The following IGDCC4 variants were observed in gnomAD, a reference collection of about 807,000 sequenced individuals.
The protein encoded by IGDCC4 is likely ortholog of mouse neighbor of Punc E11.
A neutral mutation model predicts 116.6 loss-of-function variants in IGDCC4; 72 were observed. The observed-to-expected ratio is 0.62, with a 90% CI of 0.51 to 0.75. IGDCC4 has a LOEUF of 0.75. Ranked by LOEUF, IGDCC4 falls within the 30% of genes least tolerant of loss-of-function variation. The pLI, the probability that IGDCC4 is intolerant of heterozygous loss-of-function variation, is 0.00. For missense variants in IGDCC4, 1,501 were observed against 1,662.4 expected, an observed-to-expected ratio of 0.90 and a Z score of 1.69; for synonymous variants, 709 against 719.9, an observed-to-expected ratio of 0.98 and a Z score of 0.24.
chr15:65,386,058 C>T lies in IGDCC4; in HGVS notation c.2953G>A (p.Glu985Lys). 1 of 1,499,814 alleles carries T rather than the reference C, an allele frequency of 6.7e-7. No homozygotes were observed. The highest frequency in any genetic ancestry group is 8.9e-7 in the Non-Finnish European group (1 of 1,125,676). 92.9% of individuals were successfully genotyped at this position (1,499,814 alleles called of 1,614,324 possible). A position where few individuals can be genotyped will look rare whatever the true frequency, so the allele number is the denominator to read the frequency against. The change falls in exon 18 of 20, where the codon GAA becomes AAA. Residue 985 changes from glutamate to lysine, a missense_variant and splice_region_variant. Glu to Lys is a moderately conservative substitution (Grantham distance 56). Coordinates refer to ENST00000352385, the MANE Select transcript of IGDCC4 (RefSeq NM_020962.3). ...CAGLRRSPHR[E>K]SLPGLSSTAT... is the part of the protein sequence containing the mutation. ...GTGGAGGACAGGCCTGGGAGGGATTCCCTGGAAGGGAAGACGGAAAACAAG... is the reference window on the plus strand; with the variant it reads ...GTGGAGGACAGGCCTGGGAGGGATTTCCTGGAAGGGAAGACGGAAAACAAG...
chr15:65,396,545 T>C, intron 6 of IGDCC4: 1 of 569,478 alleles, frequency 1.8e-6, no homozygotes, highest in Non-Finnish European at 3.2e-6. Flanking sequence ...ACCACTCAGA[T>C]CACTCCACTA....
intron 1 of IGDCC4, among the ~76,000 whole-genome samples, chr15:65,413,299 C>G (rs148409153): frequency 1.3e-5 from 2 of 152,254 alleles, no homozygotes; most frequent in Non-Finnish European, 2.9e-5. Context: ...CTGGTCTGTA[C>G]TGGTGACTGG....
At chr15:65,388,418 C>T (rs1157789470) in intron 16 of IGDCC4, 31 bp downstream of exon 16, 1 of 1,613,116 alleles carries the variant, frequency 6.2e-7, no homozygotes, top group African/African-American at 1.3e-5. Flanking sequence ...GAAGTCAATC[C>T]AGGGAAACCT....
chr15:65,388,658 G>A lies in IGDCC4; in HGVS notation c.2708-72C>T, dbSNP rs941708635. ...GTGGATGCAGAGGTGGGCAGGGAGG[G>A]GACTGGGAGAGTCTGCTCTCCACTT... On this transcript the variant is annotated intron_variant, in intron 15 of 19. Coordinates refer to ENST00000352385, the MANE Select transcript of IGDCC4 (RefSeq NM_020962.3). 7.5e-6 allele frequency: 12 copies of A among 1,604,572 alleles called. No individual in the cohort carries two copies. The Admixed American group carries it at 1.0e-4, about 13-fold the overall frequency.
At chr15:65,418,867 A>T (rs775148946) in intron 1 of IGDCC4, among the ~76,000 whole-genome samples, 20 of 152,018 alleles carry the variant, frequency 1.3e-4, no homozygotes, top group Non-Finnish European at 2.8e-4. Context: ...GCCCAGATAG[A>T]CCCACTTGAG....
rs1464760999 is a variant in IGDCC4, at chr15:65,388,795, C to G, written c.2707+13G>C. ...AAGCTCTTGAGCAGATGCCCTGGGG[C>G]AGGAGCCCTCACCCTGCGTGGTGAG... On this transcript the variant is annotated intron_variant, in intron 15 of 19. Transcript: ENST00000352385. 1.2e-6 allele frequency: 2 copies of G among 1,613,822 alleles called. No homozygotes were observed. Among genetic ancestry groups the G allele is most frequent in the African/African-American group, 2.7e-5 (2 of 75,062 alleles).
intron 1 of IGDCC4, among the ~76,000 whole-genome samples, chr15:65,422,013 G>C (rs148806415): frequency 6.7e-4 from 102 of 152,196 alleles, no homozygotes; most frequent in African/African-American, 2.3e-3. Context: ...CGCTTCCCTG[G>C]TCGGTCCCTG....
chr15:65,397,480 A>G (rs1462115813), intron 5 of IGDCC4, among the ~76,000 whole-genome samples: 1 of 152,206 alleles, frequency 6.6e-6, no homozygotes, highest in Non-Finnish European at 1.5e-5. Flanking sequence ...AAGCAATGCA[A>G]ATAGCCAAGA....
chr15:65,415,319 C>T lies in IGDCC4; in HGVS notation c.71-3949G>A, dbSNP rs1015948851. On this transcript the variant is annotated intron_variant, in intron 1 of 19. Coordinates refer to ENST00000352385, the MANE Select transcript of IGDCC4 (RefSeq NM_020962.3). ...ACAAACAATGTGAACAGTTGGGGCCCGAGCAGCTGCTGGGTATGTCAGCAG... is the reference window on the plus strand; with the variant it reads ...ACAAACAATGTGAACAGTTGGGGCCTGAGCAGCTGCTGGGTATGTCAGCAG... Among the ~76,000 whole-genome samples the T allele has an allele frequency of 2.4e-4, 36 of 152,324 alleles. 1 individual carries two copies. Among genetic ancestry groups the T allele is most frequent in the Non-Finnish European group, 1.2e-4 (8 of 68,028 alleles).
At chr15:65,418,465 C>A (rs1200709604) in intron 1 of IGDCC4, among the ~76,000 whole-genome samples, 1 of 152,146 alleles carries the variant, frequency 6.6e-6, no homozygotes, top group Non-Finnish European at 1.5e-5. Flanking sequence ...TGGGTCTGCA[C>A]CTGAAGGACA....
chr15:65,397,600 T>A (rs1595783676), intron 5 of IGDCC4, among the ~76,000 whole-genome samples: 1 of 147,556 alleles, frequency 6.8e-6, no homozygotes, highest in Non-Finnish European at 1.5e-5. Flanking sequence ...GAGGCTGAGG[T>A]GGAAGGATCA....
chr15:65,385,380 T>A, intron 18 of IGDCC4: 1 of 545,314 alleles, frequency 1.8e-6, no homozygotes, highest in African/African-American at 1.9e-5. Flanking sequence ...GGGGAGAGGG[T>A]GAGGGAGGAC....
chr15:65,390,200 C>T lies in IGDCC4; in HGVS notation c.2363G>A (p.Ser788Asn). 6.2e-7 allele frequency: 1 copy of T among 1,607,220 alleles called. No homozygotes were observed. The highest frequency in any genetic ancestry group is 8.5e-7 in the Non-Finnish European group (1 of 1,174,666). ...VKIVNYTVRFSPWGLRNASLV... is the reference protein window; with the variant it reads ...VKIVNYTVRFNPWGLRNASLV... ...GGAGGCATTCCTGAGCCCCCAGGGG[C>T]TGAAGCGCACAGTGTAGTTGACAAT... The change falls in exon 13 of 20, where the codon AGC (serine) becomes AAC (asparagine). Residue 788 changes from serine to asparagine, a missense_variant. Ser to Asn is a conservative substitution (Grantham distance 46, BLOSUM62 1). This residue lies in a region of IGDCC4 where 235 missense variants were observed against 328.0 expected (regional missense o/e 0.72). Transcript: ENST00000352385.
intron 1 of IGDCC4, among the ~76,000 whole-genome samples, chr15:65,413,447 C>T (rs1454813663): frequency 1.3e-5 from 2 of 152,174 alleles, no homozygotes; most frequent in African/African-American, 4.8e-5. Flanking sequence ...CAACACTGCC[C>T]TTGCCACAAA....
At position 65,422,821 on chromosome 15, in the gene IGDCC4, C is replaced by T; in HGVS notation, c.42G>A (p.Ala14=). 2 of 1,260,560 alleles carry T rather than the reference C, an allele frequency of 1.6e-6. No homozygotes were observed. The highest frequency in any genetic ancestry group is 1.6e-5 in the African/African-American group (1 of 63,602). 78.1% of individuals were successfully genotyped at this position (1,260,560 alleles called of 1,614,324 possible). Residue 14 remains alanine (A), a synonymous_variant, in exon 1 of 20, where the codon GCG becomes GCA. Transcript: ENST00000352385. ...GDAGRGRGLL[A]LTFCLLAARG... ...GCGCGGCCAACAGGCAGAAGGTCAA[C>T]GCGAGGAGCCCGCGGCCGCGGCCGG...
In IGDCC4 at chr15:65,390,292, A is replaced by G. The variant is rs779882660; in HGVS notation, c.2271T>C (p.His757=). The change falls in exon 13 of 20, where the codon CAT becomes CAC. Residue 757 remains histidine (H), a synonymous_variant. Transcript: ENST00000352385. ...TGGATGTGGAGCTGTTTGATTCCGC[A>G]TGGACGTGGGCTGGAGGCAGGGGTG... The part of the protein sequence containing the change: ...RGPPLPPAHV[H]AESNSSTSIW... 12 of 1,612,436 alleles carry G rather than the reference A, an allele frequency of 7.4e-6. No homozygotes were observed. The highest frequency in any genetic ancestry group is 1.0e-5 in the Non-Finnish European group (12 of 1,178,774).
chr15:65,385,458 C>T, intron 18 of IGDCC4: 2 of 526,074 alleles, frequency 3.8e-6, no homozygotes, highest in South Asian at 2.1e-5. Flanking sequence ...GAAGGCCTCA[C>T]CTTATCCTGG....
intron 1 of IGDCC4, among the ~76,000 whole-genome samples, chr15:65,412,542 C>T (rs1231133933): frequency 9.6e-6 from 1 of 103,944 alleles, no homozygotes; most frequent in Non-Finnish European, 1.9e-5. Flanking sequence ...AAAAAAAGCA[C>T]AGTGCCTGAC....
rs539860678 is a variant in IGDCC4 at position 65,416,198 on chromosome 15, C to T, written c.71-4828G>A. Among the ~76,000 whole-genome samples the T allele has an allele frequency of 2.4e-4, 29 of 120,078 alleles. No homozygotes were observed. In the East Asian group the frequency reaches 6.5e-3, roughly 27 times the overall value. 78.8% of individuals were successfully genotyped at this position (120,078 alleles called of 152,430 possible). On this transcript the variant is annotated intron_variant, in intron 1 of 19. Coordinates refer to ENST00000352385, the MANE Select transcript of IGDCC4 (RefSeq NM_020962.3). ...TGTCACCCAGGCTGGAGTGTAGTGG[C>T]GCAATCTCGGCTCACTGCAAGCTCC... is the stretch of plus-strand genomic sequence containing the variant.
Sources: allele counts gnomAD v4.1 joint callset (sites outside exome capture counted in the v4.1 genomes callset), GRCh38; gene constraint gnomAD v4.1.1; regional missense constraint gnomAD v4.1.1; transcripts MANE v1.5; gene names NCBI Gene and HGNC (gene_info 2026-07-23, HGNC 2026-07-21).